HELLS: variants seen among roughly 807,000 people sequenced by gnomAD.
HELLS encodes the protein lymphoid-specific helicase.
Under a neutral mutation model 120.0 loss-of-function variants are expected in HELLS, and 32 were observed. The ratio of observed to expected loss-of-function variants is 0.27; its 90% CI spans 0.20 to 0.36. HELLS has a LOEUF of 0.36. Among genes scored for constraint, HELLS ranks in the 10% least tolerant of loss-of-function variants. The pLI is 1.00. For missense variants in HELLS, 650 were observed against 993.4 expected (o/e 0.65, Z 4.65); for synonymous variants, 341 against 323.4 (o/e 1.05, Z -0.58).
chr10:94,545,809 C>T lies in HELLS; in HGVS notation c.-113C>T, dbSNP rs1565006187. The T allele has an allele frequency of 2.4e-6, 3 of 1,262,574 alleles. No homozygotes were observed. Among genetic ancestry groups the T allele is most frequent in the Non-Finnish European group, 3.4e-6 (3 of 883,874 alleles). The allele number at this position is 1,262,574 out of a possible 1,614,324, so 78.2% of individuals were successfully genotyped here. A position where few individuals can be genotyped will look rare whatever the true frequency, so the allele number is the denominator to read the frequency against. Reference sequence around the variant, plus strand: ...CCGCGAAGGAGAAGCGCGCTTTTTTCCCTGGCGGGGGATTTGGCTAGAAGG... The same window carrying T: ...CCGCGAAGGAGAAGCGCGCTTTTTTTCCTGGCGGGGGATTTGGCTAGAAGG... On this transcript the variant is annotated 5_prime_UTR_variant, in exon 1 of 22. Coordinates refer to ENST00000348459, the MANE Select transcript of HELLS (RefSeq NM_018063.5).
rs1267119123 is a variant in HELLS, at chr10:94,590,459, C to T, written c.1535C>T (p.Thr512Ile). 1 of 1,611,368 alleles carries T rather than the reference C, an allele frequency of 6.2e-7. No individual in the cohort carries two copies. Among genetic ancestry groups the T allele is most frequent in the African/African-American group, 1.3e-5 (1 of 74,738 alleles). The part of the protein sequence containing the change: ...LSPTGRPKRR[T>I]RKSINYSKID... Reference sequence around the variant, plus strand: ...CCTACTGGTCGACCAAAACGACGAACTAGAAAATCAATAAATTACAGCAAA... The same window carrying T: ...CCTACTGGTCGACCAAAACGACGAATTAGAAAATCAATAAATTACAGCAAA... Residue 512 changes from threonine (T) to isoleucine (I), a missense_variant, in exon 14 of 22, where the codon ACT becomes ATT. Thr to Ile is a moderately conservative substitution (Grantham distance 89). This residue lies in a region of HELLS where 191 missense variants were observed against 259.7 expected (regional missense o/e 0.74). Transcript: ENST00000348459.
At position 94,582,948 on chromosome 10, in the gene HELLS, A is replaced by AT. The variant is rs758630276; in HGVS notation, c.1230-10dup. On this transcript the variant is annotated splice_polypyrimidine_tract_variant and intron_variant, in intron 11 of 21. Transcript: ENST00000348459. ...AATTTATGTGATGGTTAACTTAAAC[A>AT]TTTTTCTCTTCCAGCTTTGAGTCTT... The AT allele has an allele frequency of 6.8e-7, 1 of 1,475,464 alleles. No homozygotes were observed. Among genetic ancestry groups the AT allele is most frequent in the Non-Finnish European group, 9.4e-7 (1 of 1,069,252 alleles). 91.4% of individuals were successfully genotyped at this position (1,475,464 alleles called of 1,614,324 possible).
At chr10:94,579,492 T>A (rs947087857) in intron 10 of HELLS, among the ~76,000 whole-genome samples, 1 of 151,970 alleles carries the variant, frequency 6.6e-6, no homozygotes, top group East Asian at 1.9e-4. Context: ...TAAATAATTA[T>A]AGCTAACATG....
intron 11 of HELLS, among the ~76,000 whole-genome samples, chr10:94,582,415 A>G (rs572316065): frequency 2.6e-5 from 4 of 152,280 alleles, no homozygotes; most frequent in East Asian, 3.9e-4. Context: ...AAATGTTACT[A>G]GCATTTTCCA....
chr10:94,548,727 C>T (rs1259339213), intron 2 of HELLS, among the ~76,000 whole-genome samples: 1 of 152,060 alleles, frequency 6.6e-6, no homozygotes, highest in Admixed American at 6.6e-5. Flanking sequence ...GGCATGGTGG[C>T]TCACGCTTGT....
chr10:94,561,068 A>G (rs1437866118), intron 4 of HELLS, among the ~76,000 whole-genome samples: 2 of 145,006 alleles, frequency 1.4e-5, no homozygotes, highest in Non-Finnish European at 3.1e-5. Context: ...AAAAAAAAAC[A>G]AAAAAACAAA....
Position 94,582,990 on chromosome 10 carries a change from T to G in HELLS, c.1257T>G (p.Ser419Arg), listed in dbSNP as rs144298342. 5 of 1,605,850 alleles carry G rather than the reference T, an allele frequency of 3.1e-6. No individual in the cohort carries two copies. Among genetic ancestry groups the G allele is most frequent in the Admixed American group, 1.7e-5 (1 of 59,134 alleles). Residue 419 changes from serine to arginine, a missense_variant, in exon 12 of 22, where the codon AGT becomes AGG. Around this residue, in one of 9 missense-constraint regions of HELLS, gnomAD observed 48 missense variants for 127.0 expected, o/e 0.38. Coordinates refer to ENST00000348459, the MANE Select transcript of HELLS (RefSeq NM_018063.5). ...TTGAGTCTTGGTTTGACATCACTAG[T>G]CTTTCTGAAACTGCTGAAGATATTA... ...KSFESWFDIT[S>R]LSETAEDIIA...
intron 11 of HELLS, among the ~76,000 whole-genome samples, chr10:94,581,973 T>C (rs1407398420): frequency 6.6e-6 from 1 of 152,142 alleles, no homozygotes; most frequent in Non-Finnish European, 1.5e-5. Context: ...GTAAACACAG[T>C]GTTTTAATTC....
chr10:94,565,703 C>A (rs1044907977), intron 6 of HELLS, among the ~76,000 whole-genome samples: 1 of 152,006 alleles, frequency 6.6e-6, no homozygotes, highest in Non-Finnish European at 1.5e-5. Flanking sequence ...AAAAGAAAAA[C>A]CACTTTTAAT....
At chr10:94,561,927 AC>A in intron 4 of HELLS, among the ~76,000 whole-genome samples, 1 of 151,674 alleles carries the variant, frequency 6.6e-6, no homozygotes, top group East Asian at 2.0e-4. Context: ...TTCCTTCAAT[AC>A]CCTACCCTAC....
At chr10:94,598,447 A>C (rs940132314) in intron 21 of HELLS, among the ~76,000 whole-genome samples, 14 of 152,188 alleles carry the variant, frequency 9.2e-5, no homozygotes, top group Non-Finnish European at 1.5e-5. Context: ...GGCATGAGCC[A>C]TTGTGCCTCA....
chr10:94,587,999 A>G (rs1466447659), intron 12 of HELLS, among the ~76,000 whole-genome samples: 1 of 152,188 alleles, frequency 6.6e-6, no homozygotes, highest in Non-Finnish European at 1.5e-5. Context: ...ATTATTTGAG[A>G]TAGATTCTTA....
chr10:94,571,515 G>T, intron 7 of HELLS, 86 bp downstream of exon 7: 1 of 1,103,380 alleles, frequency 9.1e-7, no homozygotes, highest in Non-Finnish European at 1.3e-6. Context: ...AGCAGTATAC[G>T]TTCTTCTCAC....
chr10:94,546,032 T>C, intron 1 of HELLS, 80 bp downstream of exon 1: 1 of 1,502,064 alleles, frequency 6.7e-7, no homozygotes, highest in Non-Finnish European at 9.1e-7. Context: ...CGGCGGAGTT[T>C]CGGGGAGGGA....
chr10:94,613,881 TAATA>T (rs1379902141), exon 10 of HELLS: 6 of 152,340 alleles, frequency 3.9e-5, no homozygotes, highest in African/African-American at 1.4e-4. Flanking sequence ...TTTTCCTGTT[TAATA>T]AATATGTAGC....
intron 7 of HELLS, among the ~76,000 whole-genome samples, chr10:94,573,098 A>G (rs937964789): frequency 2.2e-4 from 33 of 151,894 alleles, no homozygotes; most frequent in African/African-American, 7.5e-4. Context: ...TAGCTGGGAC[A>G]ACAGGCTCAT....
intron 12 of HELLS, among the ~76,000 whole-genome samples, chr10:94,585,387 T>TTTTTTTTG (rs1845082330): frequency 2.2e-5 from 1 of 45,304 alleles, no homozygotes. Context: ...TTGTTTTTGT[T>TTTTTTTTG]TTTTTTTTTG....
intron 15 of HELLS, among the ~76,000 whole-genome samples, chr10:94,591,126 G>T (rs1014819716): frequency 5.9e-5 from 9 of 152,130 alleles, no homozygotes; most frequent in African/African-American, 2.2e-4. Context: ...GAGCCACCAC[G>T]CTTGGCCTCT....
At chr10:94,547,419 T>A (rs11188013) in intron 2 of HELLS, among the ~76,000 whole-genome samples, 1 of 152,188 alleles carries the variant, frequency 6.6e-6, no homozygotes, top group Non-Finnish European at 1.5e-5. Context: ...AATTAACTCA[T>A]GATTATAAAA....
Sources: allele counts gnomAD v4.1 joint callset (sites outside exome capture counted in the v4.1 genomes callset), GRCh38; gene constraint gnomAD v4.1.1; regional missense constraint gnomAD v4.1.1; transcripts MANE v1.5; gene names NCBI Gene and HGNC (gene_info 2026-07-23, HGNC 2026-07-21).